The following ZNF561 variants were observed in gnomAD, a reference collection of about 807,000 sequenced individuals.
ZNF561 encodes the protein zinc finger protein 561.
Under a neutral mutation model 16.7 loss-of-function variants are expected in ZNF561, and 16 were observed. That is an observed-to-expected ratio of 0.96 (90% CI 0.65 to 1.45). The LOEUF (loss-of-function observed/expected upper bound fraction) is 1.45, where lower values mean the gene tolerates loss of function less well. Among genes scored for constraint, ZNF561 ranks in the 40% most tolerant of loss-of-function variants. The pLI is 0.00. For missense variants in ZNF561, 580 were observed against 578.0 expected (o/e 1.00, Z -0.04); for synonymous variants, 190 against 192.1 (o/e 0.99, Z 0.09).
intron 3 of ZNF561, 103 bp downstream of exon 3, chr19:9,617,988 T>C (rs1232524541): frequency 9.0e-7 from 1 of 1,115,144 alleles, no homozygotes; most frequent in East Asian, 2.7e-5. Context: ...TAAGGCTTCA[T>C]TTGCTCTAAG....
rs956384391 is a variant in ZNF561, at chr19:9,615,241, C to A, written c.242-1138G>T. 2.6e-5 allele frequency among the ~76,000 whole-genome samples: 4 copies of A among 152,062 alleles called. No individual in the cohort carries two copies. The East Asian group carries it at 7.7e-4, about 29-fold the overall frequency. On this transcript the variant is annotated intron_variant, in intron 4 of 5. Coordinates refer to ENST00000302851, the MANE Select transcript of ZNF561 (RefSeq NM_152289.3). ...CAAAAAAGATTGGTTATCTCTGACC[C>A]ATTAAACCCAAATTCAGACTTATGT...
In ZNF561 at chr19:9,610,593, T is replaced by TA. The variant is rs2074430736; in HGVS notation, c.1067dup (p.Arg357ThrfsTer12). The stretch of plus-strand genomic sequence containing the variant: ...AGGGTTTCTTTCCACTGTGACTTCG[T>TA]ATGTGTATAGAAAGGCCCGAGTACT... On this transcript the variant is annotated frameshift_variant, in exon 6 of 6. Coordinates refer to ENST00000302851, the MANE Select transcript of ZNF561 (RefSeq NM_152289.3). LOFTEE classifies it low-confidence loss of function (END_TRUNC). 3.7e-6 allele frequency: 6 copies of TA among 1,613,444 alleles called. No individual in the cohort carries two copies. Among genetic ancestry groups the TA allele is most frequent in the Non-Finnish European group, 5.1e-6 (6 of 1,179,642 alleles).
Position 9,610,358 on chromosome 19 carries a change from G to T in ZNF561, c.1303C>A (p.Arg435Ser). The change falls in exon 6 of 6, where the codon CGC (arginine) becomes AGC (serine). Residue 435 changes from arginine to serine, a missense_variant. Arg to Ser is a moderately radical substitution (Grantham distance 110). Coordinates refer to ENST00000302851, the MANE Select transcript of ZNF561 (RefSeq NM_152289.3). The part of the protein sequence containing the change: ...ICGKAFLYSS[R>S]LNVHLRTHTG... ...TGAGTTCGCAGGTGAACATTAAGGCGTGAGGAATATAGAAATGCTTTCCCA... is the reference window on the plus strand; with the variant it reads ...TGAGTTCGCAGGTGAACATTAAGGCTTGAGGAATATAGAAATGCTTTCCCA... The T allele has an allele frequency of 6.2e-7, 1 of 1,614,174 alleles. No individual in the cohort carries two copies. Among genetic ancestry groups the T allele is most frequent in the Non-Finnish European group, 8.5e-7 (1 of 1,180,028 alleles).
intron 4 of ZNF561, among the ~76,000 whole-genome samples, chr19:9,616,082 A>G (rs1284914198): frequency 1.3e-5 from 2 of 152,232 alleles, no homozygotes; most frequent in South Asian, 2.1e-4. Flanking sequence ...AGGAAGATGT[A>G]TATTTCTTAC....
At chr19:9,613,309 T>C (rs2074495091) in intron 5 of ZNF561, among the ~76,000 whole-genome samples, 1 of 152,062 alleles carries the variant, frequency 6.6e-6, no homozygotes, top group Non-Finnish European at 1.5e-5. Context: ...CAGTTTCTTT[T>C]TCACTGCAAA....
intron 4 of ZNF561, among the ~76,000 whole-genome samples, chr19:9,616,209 T>C (rs2074550530): frequency 6.6e-6 from 1 of 152,232 alleles, no homozygotes; most frequent in African/African-American, 2.4e-5. Context: ...GTTTTCAGAA[T>C]TGACAAGCAA....
In ZNF561 at chr19:9,610,893, C is replaced by A. The variant is rs2074440252; in HGVS notation, c.768G>T (p.Lys256Asn). The change falls in exon 6 of 6, where the codon AAG (lysine) becomes AAT (asparagine). Residue 256 changes from lysine (K) to asparagine (N), a missense_variant. Physicochemically the swap from Lys to Asn is moderately conservative, Grantham distance 94 (BLOSUM62 0). Transcript: ENST00000302851. Reference sequence around the variant, plus strand: ...AATTAGTGAAGGATTTCCCACATTTCTTAGTCTTTTTGGATTTCTTTCCTG... The same window carrying A: ...AATTAGTGAAGGATTTCCCACATTTATTAGTCTTTTTGGATTTCTTTCCTG... ...VHTGKKSKKTKKCGKSFTNFS... is the reference protein window; with the variant it reads ...VHTGKKSKKTNKCGKSFTNFS... 4 of 1,614,126 alleles carry A rather than the reference C, an allele frequency of 2.5e-6. No individual in the cohort carries two copies. In the African/African-American group the frequency reaches 4.0e-5, roughly 16 times the overall value.
rs1291463872 is a variant in ZNF561 at position 9,610,996 on chromosome 19, T to G, written c.665A>C (p.Glu222Ala). The change falls in exon 6 of 6, where the codon GAG (glutamate) becomes GCG (alanine). Residue 222 changes from glutamate (E) to alanine (A), a missense_variant. Coordinates refer to ENST00000302851, the MANE Select transcript of ZNF561 (RefSeq NM_152289.3). ...LDNHMGIHTDEKLCEFQEYGR... is the reference protein window; with the variant it reads ...LDNHMGIHTDAKLCEFQEYGR... ...ATATTCCTGAAATTCACAGAGTTTC[T>G]CATCAGTGTGGATTCCCATATGATT... The G allele has an allele frequency of 4.3e-6, 7 of 1,614,086 alleles. No homozygotes were observed. Among genetic ancestry groups the G allele is most frequent in the Non-Finnish European group, 5.9e-6 (7 of 1,180,040 alleles).
chr19:9,610,183 A>T lies in ZNF561; in HGVS notation c.*17T>A, dbSNP rs532512242. The T allele has an allele frequency of 2.6e-6, 4 of 1,538,916 alleles. No homozygotes were observed. In the Admixed American group the frequency reaches 6.2e-5, roughly 24 times the overall value. ...CTTTGGTGTCATTGCCAATAATTAA[A>T]GATGGCAACCGATGGGCTAAATGGT... On this transcript the variant is annotated 3_prime_UTR_variant, in exon 6 of 6. Coordinates refer to ENST00000302851, the MANE Select transcript of ZNF561 (RefSeq NM_152289.3).
In ZNF561 at chr19:9,608,425, T is replaced by A. The variant is rs970398670; in HGVS notation, c.*1775A>T. 6 of 152,198 alleles carry A rather than the reference T, an allele frequency of 3.9e-5. No homozygotes were observed. The highest frequency in any genetic ancestry group is 1.4e-4 in the African/African-American group (6 of 41,460). The allele number at this position is 152,198 out of a possible 1,614,324, so 9.4% of individuals were successfully genotyped here. A position where few individuals can be genotyped will look rare whatever the true frequency, so the allele number is the denominator to read the frequency against. ...CCATGCTGGCACTCTGATCTCAGAC[T>A]TCCAGCCTCGAGAAATGTGAGAATA... On this transcript the variant is annotated 3_prime_UTR_variant, in exon 6 of 6. Coordinates refer to ENST00000302851, the MANE Select transcript of ZNF561 (RefSeq NM_152289.3).
At position 9,619,513 on chromosome 19, in the gene ZNF561, C is replaced by A. The variant is rs766819331; in HGVS notation, c.-57G>T. The A allele has an allele frequency of 6.3e-7, 1 of 1,599,260 alleles. No individual in the cohort carries two copies. The highest frequency in any genetic ancestry group is 1.1e-5 in the South Asian group (1 of 90,462). ...CCCTTCCTTGATGCCAAGATCACCTCAGGCCAGCTTATGAATCTAGGTGGA... is the reference window on the plus strand; with the variant it reads ...CCCTTCCTTGATGCCAAGATCACCTAAGGCCAGCTTATGAATCTAGGTGGA... On this transcript the variant is annotated 5_prime_UTR_variant, in exon 2 of 6. Transcript: ENST00000302851.
rs202109483 is a variant in ZNF561 at position 9,617,035 on chromosome 19, T to C, written c.241+10A>G. On this transcript the variant is annotated intron_variant, in intron 4 of 5. Transcript: ENST00000302851. ...GGCCACCATGCCAAGCATAGTGATG[T>C]TACTCTTACCCACAGAGGCCAGGTT... 3.7e-6 allele frequency: 6 copies of C among 1,605,220 alleles called. No individual in the cohort carries two copies. The highest frequency in any genetic ancestry group is 1.7e-4 in the Middle Eastern group (1 of 6,022).
At chr19:9,620,473 G>A (rs2074651203) in intron 1 of ZNF561, among the ~76,000 whole-genome samples, 1 of 152,076 alleles carries the variant, frequency 6.6e-6, no homozygotes, top group Non-Finnish European at 1.5e-5. Flanking sequence ...CAATCCTCCT[G>A]ACTTGGCCTC....
rs2074511055 is a variant in ZNF561 at position 9,614,106 on chromosome 19, A to G, written c.242-3T>C. The G allele has an allele frequency of 6.2e-7, 1 of 1,613,890 alleles. No homozygotes were observed. The highest frequency in any genetic ancestry group is 8.5e-7 in the Non-Finnish European group (1 of 1,179,918). ...GGTTCTAGGTTGTATTTCCCATTCT[A>G]AAGTTAAGCAGAAAAAGAAACGTAA... On this transcript the variant is annotated splice_polypyrimidine_tract_variant and splice_region_variant and intron_variant, in intron 4 of 5. Coordinates refer to ENST00000302851, the MANE Select transcript of ZNF561 (RefSeq NM_152289.3).
intron 2 of ZNF561, among the ~76,000 whole-genome samples, 182 bp from the exon 3 acceptor site, chr19:9,618,361 C>A (rs1005524063): frequency 6.6e-6 from 1 of 152,142 alleles, no homozygotes; most frequent in African/African-American, 2.4e-5. Flanking sequence ...GACACAAAAG[C>A]AGACTTGGGC....
rs2144870991 is a variant in ZNF561, at chr19:9,610,988, A to T, written c.673T>A (p.Cys225Ser). The T allele has an allele frequency of 6.2e-7, 1 of 1,614,176 alleles. No homozygotes were observed. The highest frequency in any genetic ancestry group is 2.2e-5 in the East Asian group (1 of 44,874). The change falls in exon 6 of 6, where the codon TGT (cysteine) becomes AGT (serine). Residue 225 changes from cysteine (C) to serine (S), a missense_variant. Cys to Ser is a moderately radical substitution (Grantham distance 112). Coordinates refer to ENST00000302851, the MANE Select transcript of ZNF561 (RefSeq NM_152289.3). ...GCTCTCCCATATTCCTGAAATTCAC[A>T]GAGTTTCTCATCAGTGTGGATTCCC... ...HMGIHTDEKL[C>S]EFQEYGRAVT...
rs974267122 is a variant in ZNF561 at position 9,610,918 on chromosome 19, G to A, written c.743C>T (p.Thr248Ile). ...SHLKQCVAVH[T>I]GKKSKKTKKC... Reference sequence around the variant, plus strand: ...CTTAGTCTTTTTGGATTTCTTTCCTGTATGAACTGCTACACACTGCTTTAG... The same window carrying A: ...CTTAGTCTTTTTGGATTTCTTTCCTATATGAACTGCTACACACTGCTTTAG... Residue 248 changes from threonine to isoleucine, a missense_variant, in exon 6 of 6, where the codon ACA (threonine) becomes ATA (isoleucine). Coordinates refer to ENST00000302851, the MANE Select transcript of ZNF561 (RefSeq NM_152289.3). 1.1e-5 allele frequency: 18 copies of A among 1,614,030 alleles called. No homozygotes were observed. Among genetic ancestry groups the A allele is most frequent in the African/African-American group, 1.3e-5 (1 of 74,914 alleles).
intron 5 of ZNF561, among the ~76,000 whole-genome samples, chr19:9,612,293 C>T (rs1034553776): frequency 5.9e-5 from 9 of 152,066 alleles, no homozygotes. Context: ...GATCTTGGCT[C>T]ACTGCAACCT....
rs2074616124 is a variant in ZNF561, at chr19:9,619,326, A to G, written c.25+106T>C. The G allele has an allele frequency of 8.8e-6, 9 of 1,024,038 alleles. No homozygotes were observed. The East Asian group carries it at 2.1e-4, about 24-fold the overall frequency. The allele number at this position is 1,024,038 out of a possible 1,614,324, so 63.4% of individuals were successfully genotyped here. ...TCTGTGGTTCACTTCAATTCCTCCT[A>G]AAAGAACCAGCTGCATGCCTGCTCA... On this transcript the variant is annotated intron_variant, in intron 2 of 5. Transcript: ENST00000302851.
Sources: allele counts gnomAD v4.1 joint callset (sites outside exome capture counted in the v4.1 genomes callset), GRCh38; gene constraint gnomAD v4.1.1; transcripts MANE v1.5; gene names NCBI Gene and HGNC (gene_info 2026-07-23, HGNC 2026-07-21).